GRIN2A: variants seen among roughly 807,000 people sequenced by gnomAD.
GRIN2A encodes glutamate receptor ionotropic, NMDA 2A.
Under a neutral mutation model 113.4 loss-of-function variants are expected in GRIN2A, and 22 were observed. That is an observed-to-expected ratio of 0.19 (90% CI 0.14 to 0.28). The LOEUF is 0.28. Ranked by LOEUF, GRIN2A falls within the 10% of genes least tolerant of loss-of-function variation. GRIN2A has a pLI of 1.00. For synonymous variants in GRIN2A, 827 were observed against 738.4 expected (o/e 1.12, Z -1.94); for missense variants, 1,502 against 1,887.0 (o/e 0.80, Z 3.78).
Position 9,764,590 on chromosome 16 carries a change from G to A in GRIN2A, c.2954C>T (p.Pro985Leu), listed in dbSNP as rs2141135726. 1 of 1,614,034 alleles carries A rather than the reference G, an allele frequency of 6.2e-7. No individual in the cohort carries two copies. The highest frequency in any genetic ancestry group is 8.5e-7 in the Non-Finnish European group (1 of 1,180,018). Residue 985 changes from proline (P) to leucine (L), a missense_variant, in exon 13 of 13, where the codon CCT becomes CTT. By Grantham distance (98) the Pro-to-Leu change is moderately conservative. Transcript: ENST00000330684. ...AGGGTTGGACTCATTGAGAGTAAGAGGATGTTGTCCCTGGAATACATAGTT... is the reference window on the plus strand; with the variant it reads ...AGGGTTGGACTCATTGAGAGTAAGAAGATGTTGTCCCTGGAATACATAGTT... ...LNNYVFQGQH[P>L]LTLNESNPNT...
chr16:9,798,837 G>T (rs1389247070), intron 10 of GRIN2A, among the ~76,000 whole-genome samples: 1 of 152,162 alleles, frequency 6.6e-6, no homozygotes, highest in Non-Finnish European at 1.5e-5. Flanking sequence ...GAAGAATTTG[G>T]TGGTAGTGTG....
chr16:10,125,631 GAAA>G (rs79695852), intron 2 of GRIN2A, among the ~76,000 whole-genome samples: 14 of 132,032 alleles, frequency 1.1e-4, no homozygotes, highest in East Asian at 2.2e-4. Context: ...ATGGTGGGAG[GAAA>G]AAAAAAAAAA....
chr16:10,011,110 C>A (rs2046496447), intron 2 of GRIN2A, among the ~76,000 whole-genome samples: 1 of 152,194 alleles, frequency 6.6e-6, no homozygotes, highest in East Asian at 1.9e-4. Flanking sequence ...TATCTACCTT[C>A]CCCACTCTTT....
chr16:9,903,697 C>T lies in GRIN2A; in HGVS notation c.1008-12597G>A, dbSNP rs2043977342. ...CTTGACTCCTTCAGGTTAGACGCAT[C>T]CTCTTCCAACTCTCAACCCCTGTTC... On this transcript the variant is annotated intron_variant, in intron 3 of 12. Transcript: ENST00000330684. 2.6e-5 allele frequency among the ~76,000 whole-genome samples: 4 copies of T among 152,198 alleles called. No homozygotes were observed. The South Asian group carries it at 8.3e-4, about 31-fold the overall frequency.
chr16:9,996,122 T>A (rs1476309690), intron 2 of GRIN2A, among the ~76,000 whole-genome samples: 1 of 138,396 alleles, frequency 7.2e-6, no homozygotes, highest in Non-Finnish European at 1.5e-5. Flanking sequence ...GTAAAGAAAC[T>A]AAGGAGAAAG....
At chr16:9,984,437 A>G (rs561877406) in intron 2 of GRIN2A, among the ~76,000 whole-genome samples, 53 of 152,256 alleles carry the variant, frequency 3.5e-4, no homozygotes, top group African/African-American at 1.2e-3. Context: ...TTGCAGACCA[A>G]TGCCCTGGAG....
chr16:10,046,729 A>C (rs1405272320), intron 2 of GRIN2A, among the ~76,000 whole-genome samples: 2 of 152,166 alleles, frequency 1.3e-5, no homozygotes, highest in Non-Finnish European at 2.9e-5. Flanking sequence ...GAGATTGTGT[A>C]ATGGTCAAAT....
At chr16:9,917,867 G>A (rs1370822775) in intron 3 of GRIN2A, among the ~76,000 whole-genome samples, 9 of 152,112 alleles carry the variant, frequency 5.9e-5, no homozygotes, top group Non-Finnish European at 1.2e-4. Flanking sequence ...TGAGACTGTC[G>A]TTGTACATTT....
rs752886862 is a variant in GRIN2A, at chr16:9,938,534, G to A, written c.432C>T (p.Phe144=). The change falls in exon 3 of 13, where the codon TTC becomes TTT. Residue 144 remains phenylalanine, a synonymous_variant. Coordinates refer to ENST00000330684, the MANE Select transcript of GRIN2A (RefSeq NM_001134407.3). ...GCTGGATGGACGCTCCAAACTGGAA[G>A]AAGGTAGACGTCGGATCCTGCCAGT... is the stretch of plus-strand genomic sequence containing the variant. ...IMADKDPTST[F]FQFGASIQQQ... 1.2e-6 allele frequency: 2 copies of A among 1,605,632 alleles called. No individual in the cohort carries two copies. Among genetic ancestry groups the A allele is most frequent in the South Asian group, 2.2e-5 (2 of 91,088 alleles).
Position 9,937,947 on chromosome 16 carries a change from GC to G in GRIN2A, c.1007+11del. ...CTGATCCCACTTTGGGAGACAACAA[GC>G]CCTTTCTTACGGGTGCAAGGTGTGC... On this transcript the variant is annotated intron_variant, in intron 3 of 12. Coordinates refer to ENST00000330684, the MANE Select transcript of GRIN2A (RefSeq NM_001134407.3). 1 of 1,590,458 alleles carries G rather than the reference GC, an allele frequency of 6.3e-7. No homozygotes were observed. Among genetic ancestry groups the G allele is most frequent in the Non-Finnish European group, 8.6e-7 (1 of 1,158,780 alleles).
chr16:9,775,928 A>G (rs1901572791), intron 11 of GRIN2A, among the ~76,000 whole-genome samples: 1 of 152,200 alleles, frequency 6.6e-6, no homozygotes, highest in Non-Finnish European at 1.5e-5. Flanking sequence ...CATGTGGAGG[A>G]AGGTCACCAG....
chr16:10,105,491 TA>T (rs5815559), intron 2 of GRIN2A, among the ~76,000 whole-genome samples: 42,756 of 147,590 alleles, frequency 0.29, 6,315 homozygotes, highest in East Asian at 0.46. Context: ...GAAAACCATG[TA>T]AAAAAAAAAA....
chr16:10,025,422 C>T (rs2046802275), intron 2 of GRIN2A, among the ~76,000 whole-genome samples: 2 of 151,074 alleles, frequency 1.3e-5, no homozygotes, highest in Admixed American at 1.3e-4. Context: ...CTGCCTCAGC[C>T]TTCCAAGTAG....
At chr16:10,096,573 C>CACACACACACA (rs1555478915) in intron 2 of GRIN2A, among the ~76,000 whole-genome samples, 39 of 149,366 alleles carry the variant, frequency 2.6e-4, no homozygotes, top group African/African-American at 9.6e-4. Context: ...CACACACACA[C>CACACACACACA]TTTACTCTCT....
At chr16:10,094,141 G>C (rs1035605339) in intron 2 of GRIN2A, among the ~76,000 whole-genome samples, 6 of 152,192 alleles carry the variant, frequency 3.9e-5, no homozygotes, top group Admixed American at 3.9e-4. Flanking sequence ...GTGTACAGAG[G>C]AGATACCAAT....
chr16:9,880,698 G>A lies in GRIN2A; in HGVS notation c.1122+10288C>T, dbSNP rs116758196. On this transcript the variant is annotated intron_variant, in intron 4 of 12. Coordinates refer to ENST00000330684, the MANE Select transcript of GRIN2A (RefSeq NM_001134407.3). ...TTGAACTCTTCTCCAGATGGGCCTT[G>A]GGCACTCTTGCCTCTGAACCTGACT... 3.7e-3 allele frequency among the ~76,000 whole-genome samples: 568 copies of A among 152,280 alleles called. 3 individuals are homozygous for A. The highest frequency in any genetic ancestry group is 0.013 in the African/African-American group (523 of 41,544).
intron 2 of GRIN2A, among the ~76,000 whole-genome samples, chr16:10,162,752 G>A (rs998716976): frequency 1.3e-5 from 2 of 152,148 alleles, no homozygotes; most frequent in African/African-American, 4.8e-5. Flanking sequence ...TGACTTTTAG[G>A]GAGATACAAT....
chr16:9,835,712 T>C (rs1442087143), intron 7 of GRIN2A, among the ~76,000 whole-genome samples: 3 of 152,154 alleles, frequency 2.0e-5, no homozygotes, highest in Non-Finnish European at 4.4e-5. Context: ...AAGCTACTTA[T>C]AATAATAAAG....
At chr16:10,014,567 G>C (rs947603768) in intron 2 of GRIN2A, among the ~76,000 whole-genome samples, 1 of 152,206 alleles carries the variant, frequency 6.6e-6, no homozygotes. Context: ...TAGCAGGACA[G>C]ACAGAGGCAT....
Sources: allele counts gnomAD v4.1 joint callset (sites outside exome capture counted in the v4.1 genomes callset), GRCh38; gene constraint gnomAD v4.1.1; transcripts MANE v1.5; gene names NCBI Gene and HGNC (gene_info 2026-07-23, HGNC 2026-07-21).